NXPE4: variants seen among roughly 807,000 people sequenced by gnomAD.
NXPE4 encodes NXPE family member 4.
In NXPE4, 42 loss-of-function variants were observed where a neutral mutation model predicts 33.3. The observed-to-expected ratio is 1.26, with a 90% CI of 0.98 to 1.63. The LOEUF (loss-of-function observed/expected upper bound fraction) is 1.63, where lower values mean the gene tolerates loss of function less well. Ranked by LOEUF, NXPE4 falls within the 40% of genes most tolerant of loss-of-function variation. NXPE4 has a pLI of 0.00. For synonymous variants in NXPE4, 253 were observed against 234.9 expected, an observed-to-expected ratio of 1.08 and a Z score of -0.71; for missense variants, 709 against 647.6, an observed-to-expected ratio of 1.09 and a Z score of -1.03.
the NXPE4 span, among the ~76,000 whole-genome samples, chr11:114,676,722 A>G: frequency 6.6e-6 from 1 of 152,066 alleles, no homozygotes; most frequent in Non-Finnish European, 1.5e-5. Context: ...TTTAAAATGG[A>G]AATACTGTAT....
the NXPE4 span, among the ~76,000 whole-genome samples, chr11:114,602,372 C>A: frequency 8.1e-6 from 1 of 123,834 alleles, no homozygotes; most frequent in South Asian, 2.4e-4. Flanking sequence ...ATGTTATATA[C>A]AATATATATT....
chr11:114,644,760 CA>C, the NXPE4 span, among the ~76,000 whole-genome samples: 1 of 150,960 alleles, frequency 6.6e-6, no homozygotes, highest in African/African-American at 2.4e-5. Flanking sequence ...AGCAAAGGGC[CA>C]AAAATACATA....
At chr11:114,659,979 TATAAC>T in the NXPE4 span, among the ~76,000 whole-genome samples, 1 of 152,074 alleles carries the variant, frequency 6.6e-6, no homozygotes, top group Non-Finnish European at 1.5e-5. Flanking sequence ...TTATTACAGA[TATAAC>T]AGACATTAGA....
At position 114,571,333 on chromosome 11, in the gene NXPE4, C is replaced by T. The variant is rs1948879468; in HGVS notation, c.1240G>A (p.Glu414Lys). Reference sequence around the variant, plus strand: ...CTGTCAATGGCCCGGGTGAGGTACTCCATCTCTTTGACTGAATAGGTCATT... The same window carrying T: ...CTGTCAATGGCCCGGGTGAGGTACTTCATCTCTTTGACTGAATAGGTCATT... ...GSMTYSVKEMEYLTRAIDRTG... is the reference protein window; with the variant it reads ...GSMTYSVKEMKYLTRAIDRTG... The change falls in exon 6 of 6, where the codon GAG becomes AAG. Residue 414 changes from glutamate to lysine, a missense_variant. Glu to Lys is a moderately conservative substitution (Grantham distance 56, BLOSUM62 1). Transcript: ENST00000375478. 1.2e-6 allele frequency: 2 copies of T among 1,614,036 alleles called. No individual in the cohort carries two copies. The highest frequency in any genetic ancestry group is 1.7e-6 in the Non-Finnish European group (2 of 1,179,956).
the NXPE4 span, among the ~76,000 whole-genome samples, chr11:114,650,745 G>C: frequency 2.0e-5 from 3 of 152,292 alleles, no homozygotes; most frequent in Admixed American, 1.3e-4. Flanking sequence ...ATACAAGGCA[G>C]AGTGCGGTTG....
the NXPE4 span, among the ~76,000 whole-genome samples, chr11:114,605,902 C>T: frequency 6.0e-5 from 9 of 150,636 alleles, no homozygotes; most frequent in Non-Finnish European, 7.4e-5. Flanking sequence ...CAATGTTACC[C>T]GGTTTATAAT....
the NXPE4 span, among the ~76,000 whole-genome samples, chr11:114,624,503 C>G: frequency 2.0e-5 from 3 of 152,028 alleles, no homozygotes; most frequent in East Asian, 5.8e-4. Context: ...GCCCTGTTGC[C>G]CACTGGATAA....
At chr11:114,642,455 G>A in the NXPE4 span, among the ~76,000 whole-genome samples, 1 of 151,900 alleles carries the variant, frequency 6.6e-6, no homozygotes, top group Non-Finnish European at 1.5e-5. Context: ...CCAGGTGTGT[G>A]ATTTTCCCCT....
rs80025595 is a variant in NXPE4, at chr11:114,588,802, A to G, written c.97-5781T>C. ...TATGGAAAGGCTGAAAGAAGCACTA[A>G]TAAAACACACCTTCTTGTCCCCTGA... On this transcript the variant is annotated intron_variant, in intron 2 of 5. Coordinates refer to ENST00000375478, the MANE Select transcript of NXPE4 (RefSeq NM_001077639.2). 6.6e-4 allele frequency among the ~76,000 whole-genome samples: 101 copies of G among 152,320 alleles called. 3 individuals carry two copies. The East Asian group carries it at 0.019, about 29-fold the overall frequency.
chr11:114,584,118 A>G (rs766688459), intron 2 of NXPE4: 5 of 293,046 alleles, frequency 1.7e-5, no homozygotes, highest in Middle Eastern at 1.2e-3. Context: ...GAATCTGTCA[A>G]GAGTGTCAAC....
chr11:114,648,000 G>A, the NXPE4 span, among the ~76,000 whole-genome samples: 10 of 152,050 alleles, frequency 6.6e-5, no homozygotes, highest in East Asian at 7.7e-4. Flanking sequence ...GTTGCCGGCC[G>A]ACTTAACGTT....
At chr11:114,670,850 C>A in the NXPE4 span, among the ~76,000 whole-genome samples, 1 of 151,224 alleles carries the variant, frequency 6.6e-6, no homozygotes, top group Non-Finnish European at 1.5e-5. Flanking sequence ...GAATGACTCA[C>A]GAACAGGAGA....
At chr11:114,620,869 G>C in the NXPE4 span, among the ~76,000 whole-genome samples, 1 of 152,162 alleles carries the variant, frequency 6.6e-6, no homozygotes, top group Non-Finnish European at 1.5e-5. Flanking sequence ...TTACCCGATG[G>C]ATAATAAGTA....
chr11:114,602,929 T>C, the NXPE4 span, among the ~76,000 whole-genome samples: 1 of 149,374 alleles, frequency 6.7e-6, no homozygotes, highest in Non-Finnish European at 1.5e-5. Flanking sequence ...TAATCTAATA[T>C]ATAATTACAG....
chr11:114,583,782 T>C, intron 2 of NXPE4: 1 of 451,420 alleles, frequency 2.2e-6, no homozygotes, highest in South Asian at 1.8e-5. Context: ...GACGTTGATA[T>C]TCACCATGAT....
chr11:114,600,225 C>G (rs1466167102), upstream of NXPE4, among the ~76,000 whole-genome samples: 4 of 152,108 alleles, frequency 2.6e-5, no homozygotes, highest in Non-Finnish European at 5.9e-5. Flanking sequence ...CATCTGCTTA[C>G]CCAAGTGATG....
chr11:114,609,676 A>G, the NXPE4 span, among the ~76,000 whole-genome samples: 1 of 151,376 alleles, frequency 6.6e-6, no homozygotes, highest in South Asian at 2.1e-4. Context: ...CCAGTGGATA[A>G]TAAGTATTTC....
chr11:114,676,125 A>G, the NXPE4 span, among the ~76,000 whole-genome samples: 1 of 151,992 alleles, frequency 6.6e-6, no homozygotes, highest in Non-Finnish European at 1.5e-5. Flanking sequence ...AGACTTAAAC[A>G]TAGGACCTGA....
chr11:114,632,935 A>G, the NXPE4 span, among the ~76,000 whole-genome samples: 1 of 96,166 alleles, frequency 1.0e-5, no homozygotes, highest in African/African-American at 4.3e-5. Context: ...TTATATAATA[A>G]TATATATTAT....
Sources: allele counts gnomAD v4.1 joint callset (sites outside exome capture counted in the v4.1 genomes callset), GRCh38; gene constraint gnomAD v4.1.1; transcripts MANE v1.5; gene names NCBI Gene and HGNC (gene_info 2026-07-23, HGNC 2026-07-21).